Variants in PIAS2 observed in about 807,000 individuals in gnomAD.
PIAS2 encodes protein inhibitor of activated STAT 2, also known as E3 SUMO-protein ligase PIAS2.
Under a neutral mutation model 69.7 loss-of-function variants are expected in PIAS2, and 19 were observed. The ratio of observed to expected loss-of-function variants is 0.27; its 90% confidence interval spans 0.19 to 0.40. PIAS2 has a LOEUF of 0.40. Among genes scored for constraint, PIAS2 ranks in the 10% least tolerant of loss-of-function variants. The probability of loss-of-function intolerance (pLI) is 1.00; values close to 1 mark genes in which losing one functional copy is unlikely to be tolerated. For missense variants in PIAS2, 624 were observed against 757.0 expected (o/e 0.82, Z 2.06); for synonymous variants, 261 against 263.2 (o/e 0.99, Z 0.08).
chr18:46,803,458 G>A lies in PIAS2; in HGVS notation c.*8975C>T, dbSNP rs1027603617. 2 of 152,072 alleles carry A rather than the reference G, an allele frequency of 1.3e-5. No individual in the cohort carries two copies. Among genetic ancestry groups the A allele is most frequent in the African/African-American group, 4.8e-5 (2 of 41,380 alleles). The allele number at this position is 152,072 out of a possible 1,614,324, so 9.4% of individuals were successfully genotyped here. On this transcript the variant is annotated 3_prime_UTR_variant, in exon 14 of 14. Transcript: ENST00000585916. ...TCAGCTGCTGCTTCTTGATTTCCTT[G>A]TGTTCCTTTTCCAGTCTTCTTTTCT...
At chr18:46,911,868 T>C (rs1198094822) in intron 1 of PIAS2, among the ~76,000 whole-genome samples, 1 of 152,090 alleles carries the variant, frequency 6.6e-6, no homozygotes, top group Non-Finnish European at 1.5e-5. Flanking sequence ...CTGACCAACA[T>C]GGTGAAACCC....
At chr18:46,880,407 A>C (rs2052031108) in intron 2 of PIAS2, among the ~76,000 whole-genome samples, 1 of 152,002 alleles carries the variant, frequency 6.6e-6, no homozygotes, top group African/African-American at 2.4e-5. Context: ...ACAAAACAAA[A>C]CAACTGGGCA....
At chr18:46,817,303 G>A (rs567168816) in intron 12 of PIAS2, 1 of 984,074 alleles carries the variant, frequency 1.0e-6, no homozygotes, top group South Asian at 4.7e-5. Context: ...ACTCAAAAAT[G>A]CTCATTTTCT....
intron 10 of PIAS2, among the ~76,000 whole-genome samples, chr18:46,829,437 A>G (rs1481781256): frequency 6.6e-6 from 1 of 152,234 alleles, no homozygotes; most frequent in East Asian, 1.9e-4. Context: ...AAAACTGTCC[A>G]TATAAATTCA....
Position 46,864,225 on chromosome 18 carries a change from G to T in PIAS2, c.523C>A (p.Gln175Lys). Residue 175 changes from glutamine (Q) to lysine (K), a missense_variant, in exon 3 of 14, where the codon CAA (glutamine) becomes AAA (lysine). Coordinates refer to ENST00000585916, the MANE Select transcript of PIAS2 (RefSeq NM_004671.5). ...SLVQSSIQRF[Q>K]EKFFIFALTP... is the part of the protein sequence containing the mutation. ...AAAGCAAAAATAAAAAACTTCTCTT[G>T]AAATCGCTGAATACTGCTTTGAACT... is the stretch of plus-strand genomic sequence containing the variant. The T allele has an allele frequency of 6.3e-7, 1 of 1,591,460 alleles. No individual in the cohort carries two copies. Among genetic ancestry groups the T allele is most frequent in the Non-Finnish European group, 8.6e-7 (1 of 1,168,512 alleles).
intron 1 of PIAS2, among the ~76,000 whole-genome samples, chr18:46,899,690 CT>C (rs2055485811): frequency 6.6e-6 from 1 of 152,176 alleles, no homozygotes. Flanking sequence ...TGGTCTCAAA[CT>C]CCTGGGCTCA....
intron 2 of PIAS2, among the ~76,000 whole-genome samples, chr18:46,885,843 T>C (rs1415267154): frequency 3.3e-5 from 5 of 152,204 alleles, no homozygotes; most frequent in African/African-American, 1.2e-4. Context: ...ACAAAATATC[T>C]CTGGCATTAT....
chr18:46,817,097 G>GT, intron 12 of PIAS2: 1 of 947,098 alleles, frequency 1.1e-6, no homozygotes, highest in Non-Finnish European at 1.3e-6. Context: ...TCTTTTTACA[G>GT]TAACTTCTTA....
chr18:46,902,693 AT>A (rs151004543), intron 1 of PIAS2, among the ~76,000 whole-genome samples: 1 of 152,226 alleles, frequency 6.6e-6, no homozygotes, highest in African/African-American at 2.4e-5. Context: ...TTCCAACAAG[AT>A]TTTTGTAGAT....
At chr18:46,856,001 T>TTG (rs2047717745) in intron 3 of PIAS2, among the ~76,000 whole-genome samples, 1 of 114,520 alleles carries the variant, frequency 8.7e-6, no homozygotes, top group Admixed American at 8.5e-5. Context: ...TCTTTTGTTT[T>TTG]TTTTTTTTTT....
At chr18:46,832,751 G>A (rs2145028567) in intron 9 of PIAS2, among the ~76,000 whole-genome samples, 1 of 152,028 alleles carries the variant, frequency 6.6e-6, no homozygotes, top group Non-Finnish European at 1.5e-5. Flanking sequence ...AATTAGCCAA[G>A]CGTGGTGGTG....
intron 1 of PIAS2, among the ~76,000 whole-genome samples, chr18:46,891,875 C>G (rs189024029): frequency 6.6e-6 from 1 of 152,264 alleles, no homozygotes; most frequent in African/African-American, 2.4e-5. Context: ...TATTTTTAAC[C>G]CCTTGCAGCC....
rs575982826 is a variant in PIAS2 at position 46,819,976 on chromosome 18, G to A, written c.1648+957C>T. On this transcript the variant is annotated intron_variant, in intron 12 of 13. Coordinates refer to ENST00000585916, the MANE Select transcript of PIAS2 (RefSeq NM_004671.5). ...CGTTCTGTGATTGCAGTTACCTGTG[G>A]TCAACTGCAGTCAGAAAATATCACA... Among the ~76,000 whole-genome samples, 13 of 152,174 alleles carry A rather than the reference G, an allele frequency of 8.5e-5. No homozygotes were observed. The South Asian group carries it at 2.7e-3, about 32-fold the overall frequency.
chr18:46,887,259 GA>G (rs5824641), intron 2 of PIAS2, among the ~76,000 whole-genome samples: 24,076 of 124,070 alleles, frequency 0.19, 2,207 homozygotes, highest in Non-Finnish European at 0.26. Context: ...GCAAAAAATT[GA>G]AAAAAAAAAA....
intron 3 of PIAS2, among the ~76,000 whole-genome samples, chr18:46,860,717 CT>C (rs1272141169): frequency 9.0e-4 from 137 of 152,296 alleles, no homozygotes; most frequent in Non-Finnish European, 1.2e-3. Context: ...AAAGCCATAC[CT>C]GTAAACCCAA....
intron 3 of PIAS2, among the ~76,000 whole-genome samples, chr18:46,862,877 T>C (rs1002973053): frequency 3.3e-5 from 5 of 152,042 alleles, no homozygotes; most frequent in African/African-American, 1.2e-4. Flanking sequence ...GGCTAATTTG[T>C]TGTATTTTTA....
chr18:46,844,038 T>C lies in PIAS2; in HGVS notation c.1041+16A>G, dbSNP rs376221337. ...AAAAAGTCAAATTCCCCAAAATGTTTTGTTGCTTTACTTACAGGGCACATC... is the reference window on the plus strand; with the variant it reads ...AAAAAGTCAAATTCCCCAAAATGTTCTGTTGCTTTACTTACAGGGCACATC... On this transcript the variant is annotated intron_variant, in intron 8 of 13. Transcript: ENST00000585916. The C allele has an allele frequency of 4.2e-6, 6 of 1,444,776 alleles. No individual in the cohort carries two copies. In the African/African-American group the frequency reaches 7.3e-5, roughly 18 times the overall value. The allele number at this position is 1,444,776 out of a possible 1,614,324, so 89.5% of individuals were successfully genotyped here.
chr18:46,812,784 A>AT (rs2041103291), intron 13 of PIAS2, among the ~76,000 whole-genome samples, 172 bp from the exon 14 acceptor site: 2 of 152,188 alleles, frequency 1.3e-5, no homozygotes, highest in Non-Finnish European at 2.9e-5. Context: ...GAATTTAGCT[A>AT]TTTTACATTA....
At chr18:46,821,362 T>C (rs1055390587) in intron 11 of PIAS2, among the ~76,000 whole-genome samples, 10 of 152,104 alleles carry the variant, frequency 6.6e-5, no homozygotes, top group African/African-American at 2.2e-4. Context: ...CAAATAGAAA[T>C]AGACATCACT....
Sources: gnomAD v4.1 joint callset for allele counts (sites outside exome capture counted in the v4.1 genomes callset) on GRCh38, gnomAD v4.1.1 for gene constraint, MANE v1.5 for transcripts, NCBI Gene and HGNC (gene_info 2026-07-23, HGNC 2026-07-21) for gene names.